OXCT1: variants seen among roughly 807,000 people sequenced by gnomAD.
OXCT1 encodes 3-oxoacid CoA-transferase 1.
Under a neutral mutation model 69.6 loss-of-function variants are expected in OXCT1, and 27 were observed. That is an observed-to-expected ratio of 0.39 (90% CI 0.29 to 0.54). The LOEUF (loss-of-function observed/expected upper bound fraction) is 0.54. Among genes scored for constraint, OXCT1 ranks in the 20% least tolerant of loss-of-function variants. The probability of loss-of-function intolerance (pLI) is 0.72; values close to 1 mark genes in which losing one functional copy is unlikely to be tolerated. For missense variants in OXCT1, 437 were observed against 650.2 expected (o/e 0.67, Z 3.57); for synonymous variants, 202 against 217.8 (o/e 0.93, Z 0.64).
intron 7 of OXCT1, among the ~76,000 whole-genome samples, chr5:41,838,518 C>G (rs957188666): frequency 6.6e-6 from 1 of 152,146 alleles, no homozygotes; most frequent in Non-Finnish European, 1.5e-5. Flanking sequence ...AATAAAACTT[C>G]CTGCAATGAT....
chr5:41,796,223 A>G (rs1746174610), intron 11 of OXCT1, among the ~76,000 whole-genome samples: 1 of 152,168 alleles, frequency 6.6e-6, no homozygotes, highest in South Asian at 2.1e-4. Context: ...CACCTGACTC[A>G]TATCTAAGCT....
chr5:41,773,806 T>C (rs1473377368), intron 13 of OXCT1, among the ~76,000 whole-genome samples: 1 of 152,164 alleles, frequency 6.6e-6, no homozygotes, highest in Admixed American at 6.5e-5. Context: ...ATTTCTGATC[T>C]TGATGGTTTC....
At chr5:41,784,656 T>A (rs1175240554) in intron 13 of OXCT1, among the ~76,000 whole-genome samples, 1 of 152,228 alleles carries the variant, frequency 6.6e-6, no homozygotes, top group Admixed American at 6.5e-5. Context: ...TGAACTTGAA[T>A]AGTTAACTCC....
rs1476235362 is a variant in OXCT1, at chr5:41,731,704, G to A, written c.*25C>T. On this transcript the variant is annotated 3_prime_UTR_variant, in exon 17 of 17. Coordinates refer to ENST00000196371, the MANE Select transcript of OXCT1 (RefSeq NM_000436.4). ...CTTGTGTGTTTAAAATGAAAAACAC[G>A]CAGCCTGGTACAAATATCCATATTT... 5.0e-6 allele frequency: 8 copies of A among 1,597,036 alleles called. No individual in the cohort carries two copies. Among genetic ancestry groups the A allele is most frequent in the East Asian group, 2.2e-5 (1 of 44,608 alleles).
chr5:41,840,607 A>G, intron 6 of OXCT1, 96 bp from the exon 7 acceptor site: 2 of 726,160 alleles, frequency 2.8e-6, no homozygotes, highest in Non-Finnish European at 4.9e-6. Flanking sequence ...ATTTCTATGA[A>G]CTAAGAATCT....
intron 13 of OXCT1, among the ~76,000 whole-genome samples, chr5:41,767,907 T>G (rs1197538060): frequency 6.6e-6 from 1 of 151,712 alleles, no homozygotes; most frequent in East Asian, 1.9e-4. Flanking sequence ...AGCATCCTTT[T>G]TCCCAGAACA....
At chr5:41,853,068 C>T (rs1749258631) in intron 4 of OXCT1, among the ~76,000 whole-genome samples, 1 of 150,572 alleles carries the variant, frequency 6.6e-6, no homozygotes, top group South Asian at 2.1e-4. Context: ...AAGACTCTGC[C>T]TCAAAAAAAA....
At chr5:41,769,742 T>C (rs1004588152) in intron 13 of OXCT1, among the ~76,000 whole-genome samples, 15 of 151,890 alleles carry the variant, frequency 9.9e-5, no homozygotes, top group Admixed American at 9.2e-4. Context: ...AAATCACCTA[T>C]CACAGATGTA....
At chr5:41,821,795 G>C (rs373626747) in intron 7 of OXCT1, among the ~76,000 whole-genome samples, 1 of 152,160 alleles carries the variant, frequency 6.6e-6, no homozygotes, top group Non-Finnish European at 1.5e-5. Flanking sequence ...TGATTTTCTT[G>C]TTGTTGAGTT....
At chr5:41,818,067 A>G (rs1747334777) in intron 7 of OXCT1, among the ~76,000 whole-genome samples, 2 of 152,308 alleles carry the variant, frequency 1.3e-5, no homozygotes, top group South Asian at 4.1e-4. Flanking sequence ...GAACCTGCTG[A>G]CTCAGTGACT....
At chr5:41,836,489 A>T (rs978146099) in intron 7 of OXCT1, among the ~76,000 whole-genome samples, 1 of 152,168 alleles carries the variant, frequency 6.6e-6, no homozygotes, top group African/African-American at 2.4e-5. Flanking sequence ...TACACAACTC[A>T]TAAGTTTATC....
At chr5:41,803,208 A>G in intron 9 of OXCT1, 45 bp from the exon 10 acceptor site, 1 of 1,276,750 alleles carries the variant, frequency 7.8e-7, no homozygotes. Flanking sequence ...AAGGTAGAGA[A>G]GTTATACCAT....
chr5:41,773,090 C>A (rs188565287), intron 13 of OXCT1, among the ~76,000 whole-genome samples: 1 of 152,074 alleles, frequency 6.6e-6, no homozygotes, highest in East Asian at 1.9e-4. Context: ...CGACTTTGGG[C>A]GATTTGCCAC....
intron 7 of OXCT1, among the ~76,000 whole-genome samples, chr5:41,816,409 G>C (rs562331307): frequency 2.0e-5 from 3 of 152,224 alleles, no homozygotes; most frequent in African/African-American, 7.2e-5. Context: ...TATGACTTTA[G>C]CATGATGATC....
At chr5:41,798,729 A>G (rs747418240) in intron 11 of OXCT1, among the ~76,000 whole-genome samples, 5 of 152,252 alleles carry the variant, frequency 3.3e-5, no homozygotes, top group Non-Finnish European at 7.3e-5. Flanking sequence ...AAGCAAAAAT[A>G]TGAGACTTAG....
chr5:41,867,055 A>G (rs1180221466), intron 1 of OXCT1, among the ~76,000 whole-genome samples: 2 of 152,212 alleles, frequency 1.3e-5, no homozygotes, highest in African/African-American at 4.8e-5. Flanking sequence ...TACAGACCAC[A>G]CTGCAGAGTT....
chr5:41,805,439 A>AAT, intron 9 of OXCT1, 128 bp downstream of exon 9: 1 of 660,534 alleles, frequency 1.5e-6, no homozygotes, highest in Non-Finnish European at 2.7e-6. Flanking sequence ...AAAAAAAAAA[A>AAT]TTGATTAATT....
intron 5 of OXCT1, among the ~76,000 whole-genome samples, chr5:41,844,643 G>A (rs879784660): frequency 2.0e-5 from 3 of 151,832 alleles, no homozygotes; most frequent in Admixed American, 6.6e-5. Context: ...CTGATATGAC[G>A]TTCACTAAGC....
rs189976961 is a variant in OXCT1, at chr5:41,731,827, C to T, written c.1522-57G>A. On this transcript the variant is annotated intron_variant, in intron 16 of 16. Transcript: ENST00000196371. ...GAAAAACTGCATGATATAAATCTCT[C>T]TCCTTTTAATTTCCAAATTTCAATC... 6,133 of 1,560,552 alleles carry T rather than the reference C, an allele frequency of 3.9e-3. 16 individuals are homozygous for T. Among genetic ancestry groups the T allele is most frequent in the Non-Finnish European group, 4.8e-3 (5,548 of 1,148,426 alleles).
Sources: gnomAD v4.1 joint callset for allele counts (sites outside exome capture counted in the v4.1 genomes callset) on GRCh38, gnomAD v4.1.1 for gene constraint, MANE v1.5 for transcripts, NCBI Gene and HGNC (gene_info 2026-07-23, HGNC 2026-07-21) for gene names.